RPS6KC1: variants seen among roughly 807,000 people sequenced by gnomAD.
The protein encoded by RPS6KC1 is ribosomal protein S6 kinase C1.
In RPS6KC1, 54 loss-of-function variants were observed where a neutral mutation model predicts 103.8. The observed-to-expected ratio is 0.52, with a 90% CI of 0.42 to 0.65. The LOEUF (loss-of-function observed/expected upper bound fraction) is 0.65. Among genes scored for constraint, RPS6KC1 ranks in the 30% least tolerant of loss-of-function variants. The pLI, the probability that RPS6KC1 is intolerant of heterozygous loss-of-function variation, is 0.00. For missense variants in RPS6KC1, 1,151 were observed against 1,253.8 expected, an observed-to-expected ratio of 0.92 and a Z score of 1.24; for synonymous variants, 439 against 438.7, an observed-to-expected ratio of 1.00 and a Z score of -0.01.
chr1:213,722,068 G>A, the RPS6KC1 span, among the ~76,000 whole-genome samples: 1 of 152,138 alleles, frequency 6.6e-6, no homozygotes, highest in Non-Finnish European at 1.5e-5. Flanking sequence ...TGAGGGCCAG[G>A]ATTCAGATGT....
the RPS6KC1 span, among the ~76,000 whole-genome samples, chr1:213,411,022 A>G: frequency 6.6e-6 from 1 of 152,090 alleles, no homozygotes; most frequent in Non-Finnish European, 1.5e-5. Flanking sequence ...GTCCCCCAGG[A>G]TGATGGCAGG....
intron 8 of RPS6KC1, among the ~76,000 whole-genome samples, chr1:213,202,815 G>A (rs964360588): frequency 5.3e-5 from 8 of 151,990 alleles, no homozygotes; most frequent in Non-Finnish European, 8.8e-5. Flanking sequence ...TTTTAATTAT[G>A]ATTGTATTTA....
chr1:213,324,593 CTTTTTTTTTT>C, the RPS6KC1 span, among the ~76,000 whole-genome samples: 8,467 of 82,064 alleles, frequency 0.1, 437 homozygotes, highest in African/African-American at 0.18. Flanking sequence ...GCTCGATATG[CTTTTTTTTTT>C]TTTTTTTTTT....
At chr1:213,266,256 A>G (rs190727662) in intron 14 of RPS6KC1, among the ~76,000 whole-genome samples, 4 of 152,394 alleles carry the variant, frequency 2.6e-5, no homozygotes, top group Non-Finnish European at 5.9e-5. Flanking sequence ...TAGGCAAACA[A>G]TTGATACTTA....
chr1:213,843,704 C>G, the RPS6KC1 span: 4 of 152,130 alleles, frequency 2.6e-5, no homozygotes, highest in Non-Finnish European at 5.9e-5. Context: ...TTCTTAAATA[C>G]TATAACAAGA....
the RPS6KC1 span, among the ~76,000 whole-genome samples, chr1:213,743,581 C>G: frequency 6.6e-6 from 1 of 152,176 alleles, no homozygotes; most frequent in Non-Finnish European, 1.5e-5. Context: ...ACTTCAATGC[C>G]ATTTGTTTCC....
chr1:213,381,633 C>T, the RPS6KC1 span, among the ~76,000 whole-genome samples: 41 of 151,900 alleles, frequency 2.7e-4, no homozygotes, highest in African/African-American at 9.7e-4. Context: ...TGCCAACTCT[C>T]CCTTTGTGCT....
the RPS6KC1 span, among the ~76,000 whole-genome samples, chr1:213,550,792 G>A: frequency 2.0e-5 from 3 of 152,058 alleles, no homozygotes; most frequent in African/African-American, 4.8e-5. Flanking sequence ...CTGGGAAACC[G>A]GAAAAAGCAA....
the RPS6KC1 span, among the ~76,000 whole-genome samples, chr1:213,615,750 C>T: frequency 6.6e-6 from 1 of 152,236 alleles, no homozygotes; most frequent in Non-Finnish European, 1.5e-5. Flanking sequence ...GCTGCTAAGA[C>T]AGAATGTGTC....
chr1:213,346,674 A>T, the RPS6KC1 span, among the ~76,000 whole-genome samples: 1 of 152,182 alleles, frequency 6.6e-6, no homozygotes. Flanking sequence ...ACATAGTATG[A>T]TACCTTTAAT....
At chr1:213,303,578 G>T in the RPS6KC1 span, among the ~76,000 whole-genome samples, 1 of 152,140 alleles carries the variant, frequency 6.6e-6, no homozygotes, top group South Asian at 2.1e-4. Context: ...AGCACGTTCC[G>T]TACCCTGGCT....
rs115696236 is a variant in RPS6KC1 at position 213,213,327 on chromosome 1, G to T, written c.1045-17170G>T. ...TTTTGAAAGGGCTCTTTGCTCCATTGTATTCCCTTTGCTCTTCTGTCAAAA... is the reference window on the plus strand; with the variant it reads ...TTTTGAAAGGGCTCTTTGCTCCATTTTATTCCCTTTGCTCTTCTGTCAAAA... On this transcript the variant is annotated intron_variant, in intron 8 of 14. Coordinates refer to ENST00000366960, the MANE Select transcript of RPS6KC1 (RefSeq NM_012424.6). Among the ~76,000 whole-genome samples, 666 of 152,278 alleles carry T rather than the reference G, an allele frequency of 4.4e-3. 4 individuals carry two copies. The highest frequency in any genetic ancestry group is 0.015 in the African/African-American group (638 of 41,556).
the RPS6KC1 span, among the ~76,000 whole-genome samples, chr1:213,536,165 T>C: frequency 6.6e-6 from 1 of 152,176 alleles, no homozygotes; most frequent in Non-Finnish European, 1.5e-5. Context: ...TTCAGGGTTA[T>C]AAAAAATGAT....
the RPS6KC1 span, among the ~76,000 whole-genome samples, chr1:213,328,537 TATATCA>T: frequency 1.5e-4 from 19 of 123,208 alleles, 1 homozygote; most frequent in Admixed American, 1.1e-3. Flanking sequence ...TATATATATA[TATATCA>T]CACACACACG....
At chr1:213,700,745 T>C in the RPS6KC1 span, among the ~76,000 whole-genome samples, 1 of 152,252 alleles carries the variant, frequency 6.6e-6, no homozygotes, top group East Asian at 1.9e-4. Context: ...CAGTGTTTTA[T>C]AGTTTTCATT....
At chr1:213,093,324 C>T (rs991917255) in intron 3 of RPS6KC1, among the ~76,000 whole-genome samples, 1 of 151,838 alleles carries the variant, frequency 6.6e-6, no homozygotes, top group African/African-American at 2.4e-5. Context: ...GATTCTCCTG[C>T]CTCAGCCTCC....
At chr1:213,375,435 G>T in the RPS6KC1 span, among the ~76,000 whole-genome samples, 1 of 152,168 alleles carries the variant, frequency 6.6e-6, no homozygotes. Context: ...GTGAATTAAG[G>T]TGGTAGATTT....
chr1:213,151,275 A>T (rs1204555735), intron 6 of RPS6KC1, among the ~76,000 whole-genome samples: 2 of 80,892 alleles, frequency 2.5e-5, no homozygotes, highest in African/African-American at 5.1e-5. Flanking sequence ...GGGGCTCCTC[A>T]CTTCCCAGTA....
chr1:213,542,844 G>C, the RPS6KC1 span, among the ~76,000 whole-genome samples: 1 of 152,248 alleles, frequency 6.6e-6, no homozygotes, highest in Non-Finnish European at 1.5e-5. Flanking sequence ...TGAACAGGCA[G>C]TTAAATCCCA....
Sources: allele counts gnomAD v4.1 joint callset (sites outside exome capture counted in the v4.1 genomes callset), GRCh38; gene constraint gnomAD v4.1.1; transcripts MANE v1.5; gene names NCBI Gene and HGNC (gene_info 2026-07-23, HGNC 2026-07-21).